ST8SIA1: variants seen among roughly 807,000 people sequenced by gnomAD.
The protein encoded by ST8SIA1 is alpha-N-acetylneuraminide alpha-2,8-sialyltransferase.
A neutral mutation model predicts 35.9 loss-of-function variants in ST8SIA1; 16 were observed. The ratio of observed to expected loss-of-function variants is 0.45; its 90% CI spans 0.30 to 0.68. The LOEUF (loss-of-function observed/expected upper bound fraction) is 0.68. Among genes scored for constraint, ST8SIA1 ranks in the 30% least tolerant of loss-of-function variants. The pLI, the probability that ST8SIA1 is intolerant of heterozygous loss-of-function variation, is 0.09. For synonymous variants in ST8SIA1, 170 were observed against 169.6 expected (o/e 1.00, Z -0.02); for missense variants, 383 against 453.6 (o/e 0.84, Z 1.41).
At chr12:22,250,157 A>G (rs992098223) in intron 3 of ST8SIA1, among the ~76,000 whole-genome samples, 1 of 152,208 alleles carries the variant, frequency 6.6e-6, no homozygotes, top group Non-Finnish European at 1.5e-5. Flanking sequence ...ACCATGTCTT[A>G]TGAATGCTTA....
At chr12:22,229,103 T>C (rs1300462097) in intron 4 of ST8SIA1, among the ~76,000 whole-genome samples, 1 of 147,554 alleles carries the variant, frequency 6.8e-6, no homozygotes, top group Non-Finnish European at 1.5e-5. Flanking sequence ...GAATATTGAC[T>C]CTGGATTTTA....
chr12:22,316,776 C>A (rs1866526056), intron 1 of ST8SIA1, among the ~76,000 whole-genome samples: 2 of 152,180 alleles, frequency 1.3e-5, no homozygotes, highest in Non-Finnish European at 2.9e-5. Context: ...AAAAGATGAA[C>A]CACCCAAGAA....
intron 2 of ST8SIA1, among the ~76,000 whole-genome samples, chr12:22,279,270 A>C (rs562007176): frequency 1.4e-4 from 22 of 152,300 alleles, no homozygotes; most frequent in Non-Finnish European, 4.4e-5. Context: ...CCTGGCTTTG[A>C]GGTATGGCTC....
chr12:22,299,134 G>A (rs979238872), intron 1 of ST8SIA1, among the ~76,000 whole-genome samples: 1 of 152,016 alleles, frequency 6.6e-6, no homozygotes, highest in Non-Finnish European at 1.5e-5. Flanking sequence ...TTTAGAATCT[G>A]AAGGTATATT....
chr12:22,286,161 T>C (rs1866098952), intron 2 of ST8SIA1, among the ~76,000 whole-genome samples: 1 of 152,190 alleles, frequency 6.6e-6, no homozygotes, highest in Admixed American at 6.5e-5. Context: ...AACTAAAGCT[T>C]CTACTTCTTA....
chr12:22,204,566 G>A (rs1210759628), intron 4 of ST8SIA1, among the ~76,000 whole-genome samples: 1 of 152,058 alleles, frequency 6.6e-6, no homozygotes, highest in African/African-American at 2.4e-5. Flanking sequence ...TGTCTCTGTG[G>A]ACTACATACT....
intron 2 of ST8SIA1, chr12:22,286,459 A>G (rs1374196136): frequency 1.9e-6 from 1 of 518,830 alleles, no homozygotes; most frequent in African/African-American, 1.9e-5. Flanking sequence ...GGAGGCCATG[A>G]TTCATTTCTG....
intron 4 of ST8SIA1, among the ~76,000 whole-genome samples, chr12:22,207,704 A>G (rs1865128632): frequency 6.6e-6 from 1 of 152,178 alleles, no homozygotes. Context: ...TACCAAAATA[A>G]TAATAGTCAA....
intron 2 of ST8SIA1, among the ~76,000 whole-genome samples, chr12:22,277,031 C>T (rs1419918819): frequency 6.6e-6 from 1 of 152,190 alleles, no homozygotes; most frequent in Non-Finnish European, 1.5e-5. Flanking sequence ...ATATCTCAGT[C>T]TCTCAATCAC....
At chr12:22,276,338 C>T (rs897010360) in intron 2 of ST8SIA1, among the ~76,000 whole-genome samples, 6 of 152,144 alleles carry the variant, frequency 3.9e-5, no homozygotes, top group African/African-American at 1.2e-4. Flanking sequence ...TGTGAACACT[C>T]GGGATTTTTC....
intron 4 of ST8SIA1, among the ~76,000 whole-genome samples, chr12:22,222,860 C>T (rs1865315406): frequency 6.6e-6 from 1 of 151,892 alleles, no homozygotes; most frequent in Non-Finnish European, 1.5e-5. Flanking sequence ...CACAAATACC[C>T]CTAAATTCCA....
At chr12:22,248,974 G>C in intron 4 of ST8SIA1, 32 bp downstream of exon 4, 2 of 1,506,658 alleles carry the variant, frequency 1.3e-6, no homozygotes, top group Non-Finnish European at 9.2e-7. Context: ...CTTCATCTTC[G>C]TTCGTCACAA....
chr12:22,224,558 C>T (rs1215161749), intron 4 of ST8SIA1, among the ~76,000 whole-genome samples: 1 of 152,114 alleles, frequency 6.6e-6, no homozygotes, highest in Non-Finnish European at 1.5e-5. Flanking sequence ...AGCCACTGCG[C>T]CTGGCCTATT....
intron 3 of ST8SIA1, among the ~76,000 whole-genome samples, chr12:22,253,298 G>A (rs532928710): frequency 3.9e-5 from 6 of 152,282 alleles, no homozygotes; most frequent in African/African-American, 1.4e-4. Flanking sequence ...TGGAGAGGGT[G>A]CCTGAAGGTG....
At chr12:22,232,221 C>T (rs1865428981) in intron 4 of ST8SIA1, among the ~76,000 whole-genome samples, 1 of 152,170 alleles carries the variant, frequency 6.6e-6, no homozygotes, top group African/African-American at 2.4e-5. Context: ...TACTAAACAG[C>T]ACAGTGGTGA....
chr12:22,202,833 C>G (rs565154073), intron 4 of ST8SIA1, among the ~76,000 whole-genome samples: 9 of 152,216 alleles, frequency 5.9e-5, no homozygotes, highest in African/African-American at 1.7e-4. Context: ...TATAGGGAAA[C>G]AACAGAAAGA....
At chr12:22,241,881 C>A (rs1054212728) in intron 4 of ST8SIA1, among the ~76,000 whole-genome samples, 2 of 152,030 alleles carry the variant, frequency 1.3e-5, no homozygotes, top group Non-Finnish European at 2.9e-5. Flanking sequence ...CTCCTCCCCC[C>A]CATAAACTTC....
chr12:22,226,935 T>C (rs1865366052), intron 4 of ST8SIA1, among the ~76,000 whole-genome samples: 1 of 151,852 alleles, frequency 6.6e-6, no homozygotes, highest in Non-Finnish European at 1.5e-5. Flanking sequence ...GAGTCTTTTT[T>C]GTTTGTTTGT....
At chr12:22,285,588 A>G (rs1265855749) in intron 2 of ST8SIA1, among the ~76,000 whole-genome samples, 1 of 152,166 alleles carries the variant, frequency 6.6e-6, no homozygotes, top group Non-Finnish European at 1.5e-5. Flanking sequence ...ATTATGTTTT[A>G]CAGTCGGGCG....
Sources: allele counts gnomAD v4.1 joint callset (sites outside exome capture counted in the v4.1 genomes callset), GRCh38; gene constraint gnomAD v4.1.1; transcripts MANE v1.5; gene names NCBI Gene and HGNC (gene_info 2026-07-23, HGNC 2026-07-21).